CNTN5: variants seen among roughly 807,000 people sequenced by gnomAD.
CNTN5 encodes contactin-5.
Under a neutral mutation model 129.1 loss-of-function variants are expected in CNTN5, and 77 were observed. The ratio of observed to expected loss-of-function variants is 0.60; its 90% confidence interval spans 0.50 to 0.72. The LOEUF is 0.72. CNTN5 is among the 30% of genes least tolerant of loss of function. The probability of loss-of-function intolerance (pLI) is 0.00; values close to 1 mark genes in which losing one functional copy is unlikely to be tolerated. For synonymous variants in CNTN5, 509 were observed against 465.6 expected (o/e 1.09, Z -1.20); for missense variants, 1,478 against 1,328.8 (o/e 1.11, Z -1.75).
intron 2 of CNTN5, among the ~76,000 whole-genome samples, chr11:99,433,917 C>T (rs1943499195): frequency 6.6e-6 from 1 of 152,086 alleles, no homozygotes; most frequent in African/African-American, 2.4e-5. Flanking sequence ...TGGTGCTTTA[C>T]TGTGTTTTAC....
intron 7 of CNTN5, among the ~76,000 whole-genome samples, chr11:99,936,518 A>G (rs1014345303): frequency 1.3e-5 from 2 of 152,092 alleles, no homozygotes; most frequent in South Asian, 4.1e-4. Flanking sequence ...ACAAGATGAG[A>G]AGAAATCCAG....
Position 99,823,471 on chromosome 11 carries a change from T to C in CNTN5, c.277+3706T>C, listed in dbSNP as rs564220336. Among the ~76,000 whole-genome samples, 218 of 152,208 alleles carry C rather than the reference T, an allele frequency of 1.4e-3. 1 individual carries two copies. The highest frequency in any genetic ancestry group is 5.1e-3 in the African/African-American group (213 of 41,556). On this transcript the variant is annotated intron_variant, in intron 4 of 24. Transcript: ENST00000524871. ...TATATTTTCTACAAGGCCTACTTTT[T>C]AGTCCTGTTTGTTATATAAACAGAT... is the stretch of plus-strand genomic sequence containing the variant.
At chr11:99,279,816 C>A (rs186871146) in intron 1 of CNTN5, among the ~76,000 whole-genome samples, 2 of 151,508 alleles carry the variant, frequency 1.3e-5, no homozygotes, top group East Asian at 2.0e-4. Context: ...TCAAAAGTAA[C>A]GCAGCTTTTG....
chr11:99,589,307 T>C (rs765261952), intron 3 of CNTN5, among the ~76,000 whole-genome samples: 17 of 152,200 alleles, frequency 1.1e-4, no homozygotes, highest in Non-Finnish European at 2.5e-4. Context: ...CAAAATGCAA[T>C]AATTTGGAAG....
intron 18 of CNTN5, among the ~76,000 whole-genome samples, chr11:100,288,095 C>A (rs11223531): frequency 0.42 from 62,952 of 151,414 alleles, 14,314 homozygotes; most frequent in Non-Finnish European, 0.53. Flanking sequence ...CAGGAGCACC[C>A]AGATTCATAA....
intron 2 of CNTN5, among the ~76,000 whole-genome samples, chr11:99,542,910 C>G (rs1194640671): frequency 6.6e-6 from 1 of 152,228 alleles, no homozygotes; most frequent in African/African-American, 2.4e-5. Context: ...TGCAGCTGAA[C>G]TGAAAGTTTT....
At chr11:100,325,284 A>G (rs1268819798) in intron 21 of CNTN5, among the ~76,000 whole-genome samples, 1 of 152,208 alleles carries the variant, frequency 6.6e-6, no homozygotes, top group Non-Finnish European at 1.5e-5. Context: ...TAGTGAAACT[A>G]TGCTATCAGT....
At chr11:99,272,451 G>C (rs2135860715) in intron 1 of CNTN5, among the ~76,000 whole-genome samples, 1 of 151,786 alleles carries the variant, frequency 6.6e-6, no homozygotes, top group South Asian at 2.1e-4. Flanking sequence ...GTCTTGCTGT[G>C]TTACTCATGC....
chr11:99,877,208 A>C (rs1948656219), intron 6 of CNTN5, among the ~76,000 whole-genome samples: 1 of 152,160 alleles, frequency 6.6e-6, no homozygotes, highest in Non-Finnish European at 1.5e-5. Flanking sequence ...CATTGACTAT[A>C]AAATTCTTTA....
At chr11:99,276,549 T>C (rs1863443151) in intron 1 of CNTN5, among the ~76,000 whole-genome samples, 1 of 151,486 alleles carries the variant, frequency 6.6e-6, no homozygotes, top group Non-Finnish European at 1.5e-5. Flanking sequence ...GTGGAAATAA[T>C]AAAACAATTT....
At chr11:99,892,235 CAGA>C (rs1388925041) in intron 6 of CNTN5, among the ~76,000 whole-genome samples, 4 of 152,092 alleles carry the variant, frequency 2.6e-5, no homozygotes. Flanking sequence ...AGCCCTTTGT[CAGA>C]AGGATAGATT....
At chr11:100,331,749 G>A (rs1951911632) in intron 21 of CNTN5, among the ~76,000 whole-genome samples, 1 of 152,052 alleles carries the variant, frequency 6.6e-6, no homozygotes, top group Admixed American at 6.6e-5. Context: ...GCTCAACAAC[G>A]AAATCAAGAT....
chr11:100,029,452 A>G (rs1941593101), intron 9 of CNTN5, among the ~76,000 whole-genome samples: 1 of 151,838 alleles, frequency 6.6e-6, no homozygotes, highest in Non-Finnish European at 1.5e-5. Flanking sequence ...GCGAGGTGGC[A>G]GGCGCCTGTA....
At chr11:100,266,083 T>C (rs1020611895) in intron 17 of CNTN5, among the ~76,000 whole-genome samples, 4 of 152,118 alleles carry the variant, frequency 2.6e-5, no homozygotes, top group African/African-American at 4.8e-5. Flanking sequence ...ACAGATTTAT[T>C]TGGTATTTTA....
intron 8 of CNTN5, among the ~76,000 whole-genome samples, chr11:99,982,736 G>T (rs1217991528): frequency 6.6e-6 from 1 of 152,056 alleles, no homozygotes; most frequent in Admixed American, 6.6e-5. Flanking sequence ...ATCCTCCCGG[G>T]TTCACGCCAT....
intron 3 of CNTN5, among the ~76,000 whole-genome samples, chr11:99,656,538 TTAGTA>T (rs1376456199): frequency 1.3e-5 from 2 of 152,106 alleles, no homozygotes; most frequent in Admixed American, 6.6e-5. Flanking sequence ...GAAAGATAGT[TTAGTA>T]AGTTTCTAGA....
At chr11:99,385,000 A>G (rs1940836163) in intron 2 of CNTN5, among the ~76,000 whole-genome samples, 1 of 152,198 alleles carries the variant, frequency 6.6e-6, no homozygotes, top group Non-Finnish European at 1.5e-5. Context: ...AAAATCATTC[A>G]ATTCTCAAAG....
chr11:99,874,238 A>C (rs1197281985), intron 6 of CNTN5, among the ~76,000 whole-genome samples: 1 of 152,202 alleles, frequency 6.6e-6, no homozygotes, highest in Admixed American at 6.5e-5. Flanking sequence ...TTTAATTCCT[A>C]TTAATCTGCA....
At chr11:100,253,598 C>A (rs1449709410) in intron 16 of CNTN5, among the ~76,000 whole-genome samples, 2 of 151,978 alleles carry the variant, frequency 1.3e-5, no homozygotes, top group Non-Finnish European at 1.5e-5. Context: ...AGTTAATATT[C>A]TTCTCACTAT....
Sources: gnomAD v4.1 joint callset for allele counts (sites outside exome capture counted in the v4.1 genomes callset) on GRCh38, gnomAD v4.1.1 for gene constraint, MANE v1.5 for transcripts, NCBI Gene and HGNC (gene_info 2026-07-23, HGNC 2026-07-21) for gene names.